The following TSPAN9 variants were observed in gnomAD, a reference collection of about 807,000 sequenced individuals.
The protein encoded by TSPAN9 is tetraspanin 9.
In TSPAN9, 16 loss-of-function variants were observed where a neutral mutation model predicts 31.0. The observed-to-expected ratio is 0.52, with a 90% CI of 0.35 to 0.78. The LOEUF (loss-of-function observed/expected upper bound fraction) is 0.78, where lower values mean the gene tolerates loss of function less well. Among genes scored for constraint, TSPAN9 ranks in the 30% least tolerant of loss-of-function variants. The probability of loss-of-function intolerance (pLI) is 0.01; values close to 1 mark genes in which losing one functional copy is unlikely to be tolerated. For missense variants in TSPAN9, 272 were observed against 312.5 expected, an observed-to-expected ratio of 0.87 and a Z score of 0.98; for synonymous variants, 145 against 121.6, an observed-to-expected ratio of 1.19 and a Z score of -1.27.
Position 3,283,265 on chromosome 12 carries a change from G to C in TSPAN9, c.*149G>C. 1 of 772,476 alleles carries C rather than the reference G, an allele frequency of 1.3e-6. No homozygotes were observed. The highest frequency in any genetic ancestry group is 2.1e-5 in the South Asian group (1 of 47,542). 47.9% of individuals were successfully genotyped at this position (772,476 alleles called of 1,614,324 possible). On this transcript the variant is annotated 3_prime_UTR_variant, in exon 9 of 9. Coordinates refer to ENST00000011898, the MANE Select transcript of TSPAN9 (RefSeq NM_006675.5). ...ACCCCACCTACCCTGCCTCAGCCTC[G>C]GACTTCTCAGTGGGTGGAGTGCCAG...
At chr12:3,150,176 T>C (rs35906851) in intron 2 of TSPAN9, among the ~76,000 whole-genome samples, 10,160 of 152,320 alleles carry the variant, frequency 0.067, 395 homozygotes, top group East Asian at 0.14. Flanking sequence ...TTGGCTGGAC[T>C]TCAGAGAATA....
chr12:3,201,443 T>G (rs1197136887), intron 3 of TSPAN9, among the ~76,000 whole-genome samples, 187 bp downstream of exon 3: 1 of 152,148 alleles, frequency 6.6e-6, no homozygotes, highest in African/African-American at 2.4e-5. Context: ...TCCCTCTCTT[T>G]GGTGGCTGAA....
intron 3 of TSPAN9, among the ~76,000 whole-genome samples, chr12:3,271,968 G>A (rs576386760): frequency 6.6e-6 from 1 of 152,310 alleles, no homozygotes; most frequent in South Asian, 2.1e-4. Context: ...AATTAAAGCT[G>A]TTTTGGTTTT....
intron 2 of TSPAN9, among the ~76,000 whole-genome samples, chr12:3,178,296 T>C (rs1045158327): frequency 6.9e-6 from 1 of 144,890 alleles, no homozygotes; most frequent in Non-Finnish European, 1.5e-5. Context: ...TTTTTCTTTT[T>C]TTTTTTTTGA....
At chr12:3,131,527 G>A (rs2098329827) in intron 2 of TSPAN9, among the ~76,000 whole-genome samples, 1 of 152,172 alleles carries the variant, frequency 6.6e-6, no homozygotes, top group Admixed American at 6.5e-5. Flanking sequence ...TTGTGGGTAT[G>A]AAGTGAGAAA....
chr12:3,162,201 C>G (rs920253331), intron 2 of TSPAN9, among the ~76,000 whole-genome samples: 1 of 152,180 alleles, frequency 6.6e-6, no homozygotes, highest in Non-Finnish European at 1.5e-5. Context: ...TGATATCTGC[C>G]TATGCCGACT....
At chr12:3,201,110 T>C in intron 2 of TSPAN9, 67 bp from the exon 3 acceptor site, 1 of 1,419,778 alleles carries the variant, frequency 7.0e-7, no homozygotes, top group Non-Finnish European at 9.9e-7. Context: ...GACCGACAAG[T>C]GCAATGCACC....
intron 2 of TSPAN9, among the ~76,000 whole-genome samples, chr12:3,109,058 C>T (rs1233725808): frequency 6.6e-6 from 1 of 152,002 alleles, no homozygotes; most frequent in Admixed American, 6.5e-5. Context: ...GTCTCAGCCT[C>T]CCGAGTAGCT....
At chr12:3,121,863 C>T (rs2098325293) in intron 2 of TSPAN9, among the ~76,000 whole-genome samples, 1 of 152,136 alleles carries the variant, frequency 6.6e-6, no homozygotes, top group Admixed American at 6.5e-5. Context: ...TTATGTTTTC[C>T]ACCTTGTAGG....
At chr12:3,250,062 G>C (rs1862219753) in intron 3 of TSPAN9, among the ~76,000 whole-genome samples, 1 of 152,158 alleles carries the variant, frequency 6.6e-6, no homozygotes. Flanking sequence ...GGGCATGGAT[G>C]GTGGGTGGGG....
intron 2 of TSPAN9, among the ~76,000 whole-genome samples, chr12:3,157,369 A>G (rs11834261): frequency 0.028 from 4,248 of 152,188 alleles, 204 homozygotes; most frequent in African/African-American, 0.097. Flanking sequence ...CCAAAGTGCT[A>G]GGATTACAGG....
rs547959368 is a variant in TSPAN9 at position 3,161,445 on chromosome 12, A to C, written c.-17-39732A>C. ...TGGTGTGAGGTAGGGGGCCAACTACATTTTTCTCCTGTGGGTATGCAGGTG... is the reference window on the plus strand; with the variant it reads ...TGGTGTGAGGTAGGGGGCCAACTACCTTTTTCTCCTGTGGGTATGCAGGTG... On this transcript the variant is annotated intron_variant, in intron 2 of 8. Transcript: ENST00000011898. Among the ~76,000 whole-genome samples, 7 of 152,076 alleles carry C rather than the reference A, an allele frequency of 4.6e-5. No individual in the cohort carries two copies. The South Asian group carries it at 1.5e-3, about 32-fold the overall frequency.
intron 2 of TSPAN9, among the ~76,000 whole-genome samples, chr12:3,131,914 A>T (rs1453058753): frequency 6.6e-6 from 1 of 152,000 alleles, no homozygotes; most frequent in Non-Finnish European, 1.5e-5. Flanking sequence ...TGAATCCTGC[A>T]CCCCTTACCT....
chr12:3,080,339 G>A (rs370316246), intron 1 of TSPAN9, among the ~76,000 whole-genome samples: 1 of 150,818 alleles, frequency 6.6e-6, no homozygotes, highest in South Asian at 2.1e-4. Flanking sequence ...TCTTTTTTTT[G>A]TTGTTGTTGT....
chr12:3,184,466 A>G (rs1264781059), intron 2 of TSPAN9, among the ~76,000 whole-genome samples: 1 of 152,108 alleles, frequency 6.6e-6, no homozygotes, highest in East Asian at 1.9e-4. Context: ...AGAGAAAAAA[A>G]AGAAAGAGTC....
At chr12:3,273,882 C>T (rs898070726) in intron 3 of TSPAN9, among the ~76,000 whole-genome samples, 1 of 152,212 alleles carries the variant, frequency 6.6e-6, no homozygotes, top group Non-Finnish European at 1.5e-5. Context: ...CGATCTCAGC[C>T]CCGGCTGTCC....
At chr12:3,244,383 C>T (rs2098398225) in intron 3 of TSPAN9, among the ~76,000 whole-genome samples, 1 of 152,134 alleles carries the variant, frequency 6.6e-6, no homozygotes, top group Non-Finnish European at 1.5e-5. Flanking sequence ...TGTGTGGAAG[C>T]CCCACCTACT....
rs1398753372 is a variant in TSPAN9 at position 3,227,100 on chromosome 12, A to C, written c.63+25844A>C. Among the ~76,000 whole-genome samples the C allele has an allele frequency of 3.9e-5, 6 of 152,014 alleles. No homozygotes were observed. The East Asian group carries it at 1.2e-3, about 30-fold the overall frequency. Reference sequence around the variant, plus strand: ...TCCCTGGGCCTCTGCCTGTACCTACACTGCACTCTGTACTGTGTTGTATCT... The same window carrying C: ...TCCCTGGGCCTCTGCCTGTACCTACCCTGCACTCTGTACTGTGTTGTATCT... On this transcript the variant is annotated intron_variant, in intron 3 of 8. Transcript: ENST00000011898.
chr12:3,143,543 T>G lies in TSPAN9; in HGVS notation c.-17-57634T>G, dbSNP rs2098335838. Among the ~76,000 whole-genome samples, 2 of 152,110 alleles carry G rather than the reference T, an allele frequency of 1.3e-5. No homozygotes were observed. Among genetic ancestry groups the G allele is most frequent in the Admixed American group, 1.3e-4 (2 of 15,254 alleles). ...ACTTATTTATTCAATTAGTTATTTT[T>G]ATCATTACAGACTCATGGATATTTA... On this transcript the variant is annotated intron_variant, in intron 2 of 8. Transcript: ENST00000011898. This position sits in a 1 kb window ranked among gnomAD's most constrained non-coding sequence, Gnocchi z 4.2.
Sources: gnomAD v4.1 joint callset for allele counts (sites outside exome capture counted in the v4.1 genomes callset) on GRCh38, gnomAD v4.1.1 for gene constraint, Gnocchi (gnomAD v3.1) non-coding constraint, MANE v1.5 for transcripts, NCBI Gene and HGNC (gene_info 2026-07-23, HGNC 2026-07-21) for gene names.